NCK2: variants seen among roughly 807,000 people sequenced by gnomAD.
NCK2 encodes the protein cytoplasmic protein NCK2.
In NCK2, 16 loss-of-function variants were observed where a neutral mutation model predicts 33.9. The observed-to-expected ratio is 0.47, with a 90% CI of 0.32 to 0.72. The LOEUF (loss-of-function observed/expected upper bound fraction) is 0.72, where lower values mean the gene tolerates loss of function less well. Ranked by LOEUF, NCK2 falls within the 30% of genes least tolerant of loss-of-function variation. NCK2 has a pLI of 0.03. For missense variants in NCK2, 418 were observed against 537.3 expected (o/e 0.78, Z 2.19); for synonymous variants, 273 against 239.9 (o/e 1.14, Z -1.27).
intron 1 of NCK2, among the ~76,000 whole-genome samples, chr2:105,782,603 T>A (rs182473712): frequency 6.6e-6 from 1 of 152,342 alleles, no homozygotes; most frequent in East Asian, 1.9e-4. Flanking sequence ...CTTTTTATTT[T>A]GTTAGAGCAG....
At chr2:105,772,076 G>T (rs1690152639) in intron 1 of NCK2, among the ~76,000 whole-genome samples, 1 of 150,468 alleles carries the variant, frequency 6.6e-6, no homozygotes, top group Non-Finnish European at 1.5e-5. Context: ...TGCCGATCCT[G>T]GCTCAGCCGA....
chr2:105,772,643 AAGT>A (rs1474706873), intron 1 of NCK2, among the ~76,000 whole-genome samples: 1 of 152,114 alleles, frequency 6.6e-6, no homozygotes, highest in Non-Finnish European at 1.5e-5. Context: ...ACATGGGAAT[AAGT>A]CAATGACAAA....
chr2:105,840,524 A>G (rs926240913), intron 2 of NCK2, among the ~76,000 whole-genome samples: 1 of 152,142 alleles, frequency 6.6e-6, no homozygotes, highest in African/African-American at 2.4e-5. Flanking sequence ...CTGCTAATTT[A>G]ATTCAGCTCT....
chr2:105,820,706 G>A (rs1019447653), intron 2 of NCK2, among the ~76,000 whole-genome samples: 3 of 152,206 alleles, frequency 2.0e-5, no homozygotes, highest in African/African-American at 7.2e-5. Flanking sequence ...TTGATTGTTG[G>A]AGGCTGGCCA....
intron 3 of NCK2, chr2:105,855,495 G>A (rs1573208699): frequency 1.9e-6 from 1 of 517,758 alleles, no homozygotes. Context: ...TGGAGTTTGG[G>A]GTCCTGTGTA....
chr2:105,828,441 A>G (rs1263677458), intron 2 of NCK2, among the ~76,000 whole-genome samples: 1 of 152,208 alleles, frequency 6.6e-6, no homozygotes, highest in Non-Finnish European at 1.5e-5. Context: ...CAAGAATACT[A>G]CAATTAAAGC....
At position 105,824,556 on chromosome 2, in the gene NCK2, A is replaced by AC. The variant is rs1358738793; in HGVS notation, c.-17+7945dup. Among the ~76,000 whole-genome samples, 3 of 152,074 alleles carry AC rather than the reference A, an allele frequency of 2.0e-5. No individual in the cohort carries two copies. In the East Asian group the frequency reaches 5.8e-4, roughly 29 times the overall value. Reference sequence around the variant, plus strand: ...AAGCTAAATGTAACCGTATCTTCCAACCTGAGAGCTCATTTAGTAACGTTT... The same window carrying AC: ...AAGCTAAATGTAACCGTATCTTCCAACCCTGAGAGCTCATTTAGTAACGTTT... On this transcript the variant is annotated intron_variant, in intron 2 of 4. Transcript: ENST00000233154.
chr2:105,877,045 G>C (rs1302482415), intron 3 of NCK2, among the ~76,000 whole-genome samples: 1 of 152,184 alleles, frequency 6.6e-6, no homozygotes, highest in African/African-American at 2.4e-5. Flanking sequence ...TGAAGTCCAG[G>C]CAAGAGGAGA....
intron 1 of NCK2, among the ~76,000 whole-genome samples, chr2:105,765,786 G>GTGTGTGT (rs1553451275): frequency 1.6e-3 from 231 of 147,336 alleles, no homozygotes; most frequent in African/African-American, 5.7e-3. Context: ...TAGAATAGGG[G>GTGTGTGT]GTGTGTGTGT....
At chr2:105,828,112 GA>G (rs1334089680) in intron 2 of NCK2, among the ~76,000 whole-genome samples, 4 of 151,898 alleles carry the variant, frequency 2.6e-5, no homozygotes, top group Non-Finnish European at 5.9e-5. Flanking sequence ...TTTTTAAAAA[GA>G]AAAAAATGTT....
chr2:105,887,310 C>T (rs1678759603), intron 4 of NCK2, among the ~76,000 whole-genome samples: 1 of 152,120 alleles, frequency 6.6e-6, no homozygotes, highest in Admixed American at 6.5e-5. Flanking sequence ...AGAAGAGTGC[C>T]TTCTGTAAAG....
chr2:105,846,710 T>C (rs1445091847), intron 2 of NCK2: 6 of 152,202 alleles, frequency 3.9e-5, no homozygotes, highest in African/African-American at 1.4e-4. Context: ...CTTGGTACCC[T>C]TGTGTACTGT....
intron 1 of NCK2, among the ~76,000 whole-genome samples, chr2:105,770,153 T>G (rs1690086636): frequency 6.6e-6 from 1 of 150,838 alleles, no homozygotes; most frequent in African/African-American, 2.4e-5. Flanking sequence ...GAAAAAGGTA[T>G]ATTGCAACAA....
chr2:105,861,250 A>G (rs931898767), intron 3 of NCK2, among the ~76,000 whole-genome samples: 68 of 152,194 alleles, frequency 4.5e-4, no homozygotes, highest in African/African-American at 1.5e-3. Flanking sequence ...AAAAATAAAT[A>G]TCTGCCTGGT....
intron 1 of NCK2, among the ~76,000 whole-genome samples, chr2:105,759,440 A>G (rs72823396): frequency 0.012 from 1,777 of 143,378 alleles, 23 homozygotes; most frequent in Non-Finnish European, 0.015. Flanking sequence ...AAAGTCAACC[A>G]TGTTACCCTA....
chr2:105,813,767 T>C (rs1160635032), intron 1 of NCK2, among the ~76,000 whole-genome samples: 1 of 152,232 alleles, frequency 6.6e-6, no homozygotes, highest in Non-Finnish European at 1.5e-5. Context: ...AAGCAAATTT[T>C]AAGGTTACAG....
At chr2:105,764,183 G>T (rs76664537) in intron 1 of NCK2, among the ~76,000 whole-genome samples, 2,864 of 152,342 alleles carry the variant, frequency 0.019, 49 homozygotes, top group Non-Finnish European at 0.022. Flanking sequence ...ATGATCCTTG[G>T]TGTGGGCCAC....
intron 1 of NCK2, among the ~76,000 whole-genome samples, chr2:105,809,051 G>C (rs1164619208): frequency 6.6e-6 from 1 of 152,236 alleles, no homozygotes; most frequent in Non-Finnish European, 1.5e-5. Flanking sequence ...TGATGCAGGA[G>C]CTTGGCCCAG....
At chr2:105,835,387 A>AGG (rs1286901629) in intron 2 of NCK2, among the ~76,000 whole-genome samples, 1 of 43,090 alleles carries the variant, frequency 2.3e-5, no homozygotes, top group Non-Finnish European at 4.6e-5. Flanking sequence ...ATATATATAC[A>AGG]CATATATATA....
Sources: gnomAD v4.1 joint callset for allele counts (sites outside exome capture counted in the v4.1 genomes callset) on GRCh38, gnomAD v4.1.1 for gene constraint, MANE v1.5 for transcripts, NCBI Gene and HGNC (gene_info 2026-07-23, HGNC 2026-07-21) for gene names.